The following AFF1 variants were observed in gnomAD, a reference collection of about 807,000 sequenced individuals.
AFF1 encodes the protein AF4/FMR2 family member 1.
Under a neutral mutation model 121.7 loss-of-function variants are expected in AFF1, and 48 were observed. The observed-to-expected ratio is 0.39, with a 90% CI of 0.31 to 0.50. The LOEUF (loss-of-function observed/expected upper bound fraction) is 0.50. AFF1 is among the 20% of genes least tolerant of loss of function. AFF1 has a pLI of 0.76. For missense variants in AFF1, 1,523 were observed against 1,511.7 expected, an observed-to-expected ratio of 1.01 and a Z score of -0.12; for synonymous variants, 613 against 563.0, an observed-to-expected ratio of 1.09 and a Z score of -1.26.
chr4:87,107,819 CTT>C (rs1320090235), intron 10 of AFF1, among the ~76,000 whole-genome samples: 2 of 152,150 alleles, frequency 1.3e-5, no homozygotes, highest in African/African-American at 2.4e-5. Context: ...TCCAATAAGA[CTT>C]TATTTAGAAA....
intron 2 of AFF1, among the ~76,000 whole-genome samples, chr4:87,005,807 TA>T (rs199922137): frequency 8.9e-4 from 134 of 151,014 alleles, no homozygotes; most frequent in African/African-American, 2.2e-3. Flanking sequence ...AGGAAACGCT[TA>T]AAAAAAAATA....
intron 2 of AFF1, among the ~76,000 whole-genome samples, chr4:87,029,308 G>A (rs2041979921): frequency 6.6e-6 from 1 of 152,166 alleles, no homozygotes; most frequent in African/African-American, 2.4e-5. Flanking sequence ...GAAGGAATAG[G>A]TGATAAGAAT....
At chr4:87,086,409 C>T (rs1355612927) in intron 5 of AFF1, among the ~76,000 whole-genome samples, 2 of 152,116 alleles carry the variant, frequency 1.3e-5, no homozygotes, top group Non-Finnish European at 1.5e-5. Context: ...TTGAAGGAAC[C>T]CATCCGTCCT....
intron 2 of AFF1, among the ~76,000 whole-genome samples, chr4:87,010,032 C>G (rs890654497): frequency 6.6e-6 from 1 of 152,112 alleles, no homozygotes; most frequent in Non-Finnish European, 1.5e-5. Flanking sequence ...ATGGATTAGG[C>G]GGTGTATTCC....
Position 87,047,092 on chromosome 4 carries a change from G to A in AFF1, c.557G>A (p.Arg186Gln). 2 of 1,614,194 alleles carry A rather than the reference G, an allele frequency of 1.2e-6. No homozygotes were observed. The highest frequency in any genetic ancestry group is 1.1e-5 in the South Asian group (1 of 91,086). Residue 186 changes from arginine (R) to glutamine (Q), a missense_variant, in exon 4 of 21, where the codon CGA becomes CAA. Physicochemically the swap from Arg to Gln is conservative, Grantham distance 43. Around this residue, in one of 5 missense-constraint regions of AFF1, gnomAD observed 369 missense variants for 367.2 expected, o/e 1.00. Coordinates refer to ENST00000395146, the MANE Select transcript of AFF1 (RefSeq NM_001166693.3). ...FGSSHHKKGD[R>Q]RADGDHCASV... Reference sequence around the variant, plus strand: ...TCTAGTCATCACAAGAAAGGTGACCGAAGAGCTGACGGAGACCACTGTGCT... The same window carrying A: ...TCTAGTCATCACAAGAAAGGTGACCAAAGAGCTGACGGAGACCACTGTGCT...
intron 2 of AFF1, among the ~76,000 whole-genome samples, chr4:87,009,343 G>A (rs1347901549): frequency 6.6e-6 from 1 of 152,204 alleles, no homozygotes; most frequent in African/African-American, 2.4e-5. Context: ...CCTCTTTAAT[G>A]CTGAGGTGAG....
At chr4:86,997,729 TTCAGCCTGGGCAACAGA>T (rs1725326587) in intron 2 of AFF1, among the ~76,000 whole-genome samples, 1 of 151,118 alleles carries the variant, frequency 6.6e-6, no homozygotes, top group Non-Finnish European at 1.5e-5. Flanking sequence ...GCCACTGCGC[TTCAGCCTGGGCAACAGA>T]TCGAGACTCC....
intron 10 of AFF1, 36 bp downstream of exon 10, chr4:87,105,881 T>C: frequency 6.2e-7 from 1 of 1,608,846 alleles, no homozygotes; most frequent in Non-Finnish European, 8.5e-7. Flanking sequence ...GTACAGAATG[T>C]TTGCAATTTT....
intron 2 of AFF1, among the ~76,000 whole-genome samples, chr4:87,027,017 A>G (rs1166898267): frequency 1.3e-5 from 2 of 152,202 alleles, no homozygotes; most frequent in Non-Finnish European, 2.9e-5. Flanking sequence ...ACAGGAAGAA[A>G]TAGGACAAGA....
intron 2 of AFF1, among the ~76,000 whole-genome samples, chr4:86,985,163 TATATATA>T (rs201557469): frequency 0.019 from 1,722 of 88,942 alleles, 32 homozygotes; most frequent in Non-Finnish European, 0.029. Flanking sequence ...AAAAATATAA[TATATATA>T]ATATGTATTA....
intron 2 of AFF1, among the ~76,000 whole-genome samples, chr4:87,017,097 ATG>A (rs1440915957): frequency 5.4e-5 from 6 of 112,098 alleles, no homozygotes; most frequent in Admixed American, 2.5e-4. Context: ...GTGTATATAT[ATG>A]TGTTTTTTTT....
At chr4:87,125,770 G>C (rs1728173395) in intron 13 of AFF1, among the ~76,000 whole-genome samples, 1 of 152,226 alleles carries the variant, frequency 6.6e-6, no homozygotes, top group South Asian at 2.1e-4. Flanking sequence ...GGAAGGCTCA[G>C]ATGTGGAGGG....
chr4:87,089,461 G>A (rs1190715318), intron 5 of AFF1, among the ~76,000 whole-genome samples: 2 of 152,202 alleles, frequency 1.3e-5, no homozygotes, highest in African/African-American at 4.8e-5. Context: ...TGCTAATAGT[G>A]TGTATCAGGG....
intron 16 of AFF1, among the ~76,000 whole-genome samples, chr4:87,130,711 T>C (rs758315203): frequency 5.9e-5 from 9 of 152,214 alleles, no homozygotes; most frequent in Admixed American, 6.5e-5. Flanking sequence ...CAAAGAAATA[T>C]GCGTCTGCAT....
intron 2 of AFF1, chr4:87,036,865 C>T (rs1357726349): frequency 1.5e-5 from 7 of 463,606 alleles, no homozygotes; most frequent in Non-Finnish European, 2.5e-5. Context: ...CGGCTTCTTG[C>T]TCCATCGCTG....
At chr4:86,985,312 A>G (rs1260546902) in intron 2 of AFF1, among the ~76,000 whole-genome samples, 1 of 149,712 alleles carries the variant, frequency 6.7e-6, no homozygotes, top group Non-Finnish European at 1.5e-5. Context: ...GGAGTTTGAG[A>G]CCAGCCTGGC....
At chr4:87,074,889 C>A (rs1381290920) in intron 4 of AFF1, among the ~76,000 whole-genome samples, 1 of 152,120 alleles carries the variant, frequency 6.6e-6, no homozygotes. Context: ...GGACAACAAC[C>A]ACTCATTGTT....
At chr4:86,968,551 ACTC>A (rs962484246) in intron 2 of AFF1, among the ~76,000 whole-genome samples, 1 of 152,042 alleles carries the variant, frequency 6.6e-6, no homozygotes, top group Non-Finnish European at 1.5e-5. Context: ...CAAGAACAAA[ACTC>A]CTGTGACCTT....
At position 87,138,490 on chromosome 4, in the gene AFF1, G is replaced by GGTGTGTGTGTGT. The variant is rs35457894; in HGVS notation, c.*2810_*2821dup. On this transcript the variant is annotated 3_prime_UTR_variant, in exon 21 of 21. Coordinates refer to ENST00000395146, the MANE Select transcript of AFF1 (RefSeq NM_001166693.3). ...GTAAATCTTGCCTTTGGCACTACAAGGTGTGTGTGTGTGTGTGTGTGTGTG... is the reference window on the plus strand; with the variant it reads ...GTAAATCTTGCCTTTGGCACTACAAGGTGTGTGTGTGTGTGTGTGTGTGTGTGTGTGTGTGTG... The GGTGTGTGTGTGT allele has an allele frequency of 9.1e-6, 2 of 219,010 alleles. No individual in the cohort carries two copies. Among genetic ancestry groups the GGTGTGTGTGTGT allele is most frequent in the Non-Finnish European group, 8.9e-6 (1 of 112,124 alleles). 13.6% of individuals were successfully genotyped at this position (219,010 alleles called of 1,614,324 possible). A position where few individuals can be genotyped will look rare whatever the true frequency, so the allele number is the denominator to read the frequency against.
Sources: gnomAD v4.1 joint callset for allele counts (sites outside exome capture counted in the v4.1 genomes callset) on GRCh38, gnomAD v4.1.1 for gene constraint, gnomAD v4.1.1 regional missense constraint, MANE v1.5 for transcripts, NCBI Gene and HGNC (gene_info 2026-07-23, HGNC 2026-07-21) for gene names.